Variants in MAPK10 observed in about 807,000 individuals in gnomAD.
MAPK10 encodes mitogen-activated protein kinase 10, also known as JNK3 alpha protein kinase.
In MAPK10, 25 loss-of-function variants were observed where a neutral mutation model predicts 59.3. The observed-to-expected ratio is 0.42, with a 90% CI of 0.31 to 0.59. The LOEUF (loss-of-function observed/expected upper bound fraction) is 0.59. Ranked by LOEUF, MAPK10 falls within the 20% of genes least tolerant of loss-of-function variation. The pLI, the probability that MAPK10 is intolerant of heterozygous loss-of-function variation, is 0.15. For synonymous variants in MAPK10, 190 were observed against 200.5 expected (o/e 0.95, Z 0.44); for missense variants, 351 against 568.9 (o/e 0.62, Z 3.90).
intron 1 of MAPK10, among the ~76,000 whole-genome samples, chr4:86,578,887 T>C (rs551502785): frequency 6.6e-6 from 1 of 152,270 alleles, no homozygotes; most frequent in South Asian, 2.1e-4. Context: ...ATCTGGAAGA[T>C]AGATTACCAA....
chr4:86,195,520 GT>G (rs2081077199), intron 2 of MAPK10, among the ~76,000 whole-genome samples: 1 of 152,178 alleles, frequency 6.6e-6, no homozygotes, highest in South Asian at 2.1e-4. Context: ...GCCGCTGTTT[GT>G]CACAGGCCGT....
At chr4:86,557,710 G>C (rs1321719397) in intron 1 of MAPK10, among the ~76,000 whole-genome samples, 1 of 152,028 alleles carries the variant, frequency 6.6e-6, no homozygotes, top group Non-Finnish European at 1.5e-5. Flanking sequence ...CTAATATAGA[G>C]TGTAGAGGTG....
rs1034737992 is a variant in MAPK10, at chr4:86,016,010, G to C, written c.*1218C>G. 6.6e-6 allele frequency: 1 copy of C among 152,144 alleles called. No individual in the cohort carries two copies. The highest frequency in any genetic ancestry group is 1.5e-5 in the Non-Finnish European group (1 of 68,036). 9.4% of individuals were successfully genotyped at this position (152,144 alleles called of 1,614,324 possible). ...TTTCTCAAAATAAAACTTTGGCAGA[G>C]TATGAATCAGGGAAGCAGCCCACAC... On this transcript the variant is annotated 3_prime_UTR_variant, in exon 14 of 14. Transcript: ENST00000641462.
chr4:86,068,143 T>G (rs1159452113), intron 9 of MAPK10, among the ~76,000 whole-genome samples, 188 bp from the exon 10 acceptor site: 1 of 152,222 alleles, frequency 6.6e-6, no homozygotes, highest in Non-Finnish European at 1.5e-5. Context: ...AATTCACTTT[T>G]GAAACTTATA....
intron 3 of MAPK10, among the ~76,000 whole-genome samples, chr4:86,165,922 A>C (rs1223271405): frequency 1.3e-5 from 2 of 152,172 alleles, no homozygotes; most frequent in African/African-American, 4.8e-5. Flanking sequence ...TAAAGCAGCA[A>C]AAATTGTAAG....
At chr4:86,392,470 A>G (rs2149010039) in intron 1 of MAPK10, 1 of 151,830 alleles carries the variant, frequency 6.6e-6, no homozygotes, top group Non-Finnish European at 1.5e-5. Context: ...GATTCAGAGT[A>G]GAAAAATAGC....
chr4:86,388,655 A>C (rs1741813357), intron 1 of MAPK10, among the ~76,000 whole-genome samples: 1 of 152,192 alleles, frequency 6.6e-6, no homozygotes, highest in Non-Finnish European at 1.5e-5. Flanking sequence ...ATAACAAGTT[A>C]ATTCAAGGAT....
chr4:86,493,682 A>G (rs1032473450), intron 1 of MAPK10, among the ~76,000 whole-genome samples: 3 of 152,170 alleles, frequency 2.0e-5, no homozygotes, highest in South Asian at 2.1e-4. Flanking sequence ...CCACTTCCTC[A>G]TGCTTTTCTC....
intron 1 of MAPK10, among the ~76,000 whole-genome samples, chr4:86,497,498 T>G (rs1754959630): frequency 6.6e-6 from 1 of 152,176 alleles, no homozygotes; most frequent in African/African-American, 2.4e-5. Context: ...ATGAGGCATA[T>G]AGAAGGTGCT....
At chr4:86,399,653 A>T (rs1309294188) in intron 1 of MAPK10, 3 of 152,158 alleles carry the variant, frequency 2.0e-5, no homozygotes, top group Non-Finnish European at 2.9e-5. Context: ...CATGCAACAA[A>T]CTCACTACTG....
chr4:86,308,235 T>A (rs1025319284), intron 2 of MAPK10, among the ~76,000 whole-genome samples: 1 of 152,142 alleles, frequency 6.6e-6, no homozygotes, highest in South Asian at 2.1e-4. Flanking sequence ...ACTCCTCTAT[T>A]TGTGATCTTT....
At position 86,281,073 on chromosome 4, in the gene MAPK10, A is replaced by G. The variant is rs148801677; in HGVS notation, c.-7+73457T>C. Among the ~76,000 whole-genome samples, 905 of 152,284 alleles carry G rather than the reference A, an allele frequency of 5.9e-3. 17 individuals carry two copies. Among genetic ancestry groups the G allele is most frequent in the African/African-American group, 0.021 (856 of 41,546 alleles). On this transcript the variant is annotated intron_variant, in intron 2 of 13. Transcript: ENST00000641462. ...AATATACCCTGTGACAAACCTGCACATGAATCCCCTGAATCTAAAATAGAA... is the reference window on the plus strand; with the variant it reads ...AATATACCCTGTGACAAACCTGCACGTGAATCCCCTGAATCTAAAATAGAA...
At chr4:86,096,808 T>G (rs541127775) in intron 9 of MAPK10, among the ~76,000 whole-genome samples, 1 of 152,106 alleles carries the variant, frequency 6.6e-6, no homozygotes, top group South Asian at 2.1e-4. Context: ...ATAAGTAAAG[T>G]GAAATAAATT....
chr4:86,224,093 A>C (rs997655835), intron 2 of MAPK10, among the ~76,000 whole-genome samples: 1 of 152,204 alleles, frequency 6.6e-6, no homozygotes, highest in Non-Finnish European at 1.5e-5. Context: ...AAATGTAGGA[A>C]TTGGAACCCT....
rs185218998 is a variant in MAPK10, at chr4:86,021,962, G to A, written c.1253-4592C>T. Among the ~76,000 whole-genome samples the A allele has an allele frequency of 9.2e-5, 14 of 152,336 alleles. 1 individual carries two copies. In the Middle Eastern group the frequency reaches 0.02, roughly 222 times the overall value. On this transcript the variant is annotated intron_variant, in intron 13 of 13. Coordinates refer to ENST00000641462, the MANE Select transcript of MAPK10 (RefSeq NM_138982.4). ...TCCAGCTGGCCCGCAAGCGCCGCAC[G>A]CGGCCCGGGTTCCCGCTCGTGCCTC...
At chr4:86,478,202 G>C (rs1753282465) in intron 1 of MAPK10, among the ~76,000 whole-genome samples, 1 of 152,092 alleles carries the variant, frequency 6.6e-6, no homozygotes, top group African/African-American at 2.4e-5. Context: ...AGGAAACCTA[G>C]CTGACCCCGT....
intron 1 of MAPK10, among the ~76,000 whole-genome samples, chr4:86,588,493 C>T (rs991283764): frequency 1.3e-5 from 2 of 152,098 alleles, no homozygotes; most frequent in Admixed American, 1.3e-4. Flanking sequence ...TATATGGCAA[C>T]TTGATTCTGT....
chr4:86,033,542 C>G (rs2039549659), intron 11 of MAPK10, among the ~76,000 whole-genome samples: 1 of 152,198 alleles, frequency 6.6e-6, no homozygotes, highest in African/African-American at 2.4e-5. Flanking sequence ...TGCAACAAAG[C>G]TATTTTCAGG....
At chr4:86,019,477 AACTTT>A (rs1342518119) in intron 13 of MAPK10, among the ~76,000 whole-genome samples, 1 of 152,142 alleles carries the variant, frequency 6.6e-6, no homozygotes, top group Non-Finnish European at 1.5e-5. Flanking sequence ...AATTTATTCC[AACTTT>A]ACTTAATTAT....
Sources: gnomAD v4.1 joint callset for allele counts (sites outside exome capture counted in the v4.1 genomes callset) on GRCh38, gnomAD v4.1.1 for gene constraint, MANE v1.5 for transcripts, NCBI Gene and HGNC (gene_info 2026-07-23, HGNC 2026-07-21) for gene names.